The following VWA5B1 variants were observed in gnomAD, a reference collection of about 807,000 sequenced individuals.
The protein encoded by VWA5B1 is von Willebrand factor A domain-containing protein 5B1.
A neutral mutation model predicts 118.2 loss-of-function variants in VWA5B1; 115 were observed. The ratio of observed to expected loss-of-function variants is 0.97; its 90% confidence interval spans 0.84 to 1.14. The LOEUF (loss-of-function observed/expected upper bound fraction) is 1.14, where lower values mean the gene tolerates loss of function less well. Ranked by LOEUF, VWA5B1 falls within the 50% of genes most tolerant of loss-of-function variation. VWA5B1 has a pLI of 0.00. For missense variants in VWA5B1, 1,596 were observed against 1,603.8 expected (o/e 1.00, Z 0.08); for synonymous variants, 682 against 658.4 (o/e 1.04, Z -0.55).
At chr1:20,348,934 T>G (rs963403222) in intron 18 of VWA5B1, among the ~76,000 whole-genome samples, 1 of 152,170 alleles carries the variant, frequency 6.6e-6, no homozygotes, top group South Asian at 2.1e-4. Flanking sequence ...TCTTTCTGTC[T>G]CTCTAAAGAC....
intron 1 of VWA5B1, chr1:20,294,249 T>C (rs1399215258): frequency 6.6e-6 from 1 of 152,200 alleles, no homozygotes; most frequent in East Asian, 1.9e-4. Flanking sequence ...CAACTGCTTA[T>C]GCATCGAAGC....
At chr1:20,323,639 TA>T in intron 8 of VWA5B1, 107 bp downstream of exon 8, 9 of 1,198,562 alleles carry the variant, frequency 7.5e-6, no homozygotes, top group Non-Finnish European at 8.6e-6. Context: ...AAACAACTTT[TA>T]AAAATCAGTT....
chr1:20,343,207 G>T lies in VWA5B1; in HGVS notation c.2440G>T (p.Val814Phe). The T allele has an allele frequency of 6.5e-7, 1 of 1,549,636 alleles. No homozygotes were observed. Among genetic ancestry groups the T allele is most frequent in the East Asian group, 2.4e-5 (1 of 40,856 alleles). ...GGCCCCGGTGCTGGGCAAGGCCCTG[G>T]TCAAAGGCCTGCACGACAGCCAACG... ...TPAPVLGKAL[V>F]KGLHDSQRLQ... Residue 814 changes from valine (V) to phenylalanine (F), a missense_variant, in exon 16 of 22, where the codon GTC (valine) becomes TTC (phenylalanine). Val to Phe is a conservative substitution (Grantham distance 50). Transcript: ENST00000289815.
Position 20,306,543 on chromosome 1 carries a change from C to CTTCCAGCAG in VWA5B1, c.-26-4032_-26-4031insTCCAGCAGT, listed in dbSNP as rs1570066189. Reference sequence around the variant, plus strand: ...CTGGCTGTCTCTTCCATTAGTATCTCTACTCACGCCTGCCTGTTCCCACTG... The same window carrying CTTCCAGCAG: ...CTGGCTGTCTCTTCCATTAGTATCTCTTCCAGCAGTACTCACGCCTGCCTGTTCCCACTG... On this transcript the variant is annotated intron_variant, in intron 1 of 21. Coordinates refer to ENST00000289815, the MANE Select transcript of VWA5B1 (RefSeq NM_001039500.3). 2.0e-5 allele frequency among the ~76,000 whole-genome samples: 3 copies of CTTCCAGCAG among 152,348 alleles called. No individual in the cohort carries two copies. In the East Asian group the frequency reaches 5.8e-4, roughly 29 times the overall value.
intron 1 of VWA5B1, among the ~76,000 whole-genome samples, chr1:20,293,614 C>T (rs560843467): frequency 6.6e-6 from 1 of 152,218 alleles, no homozygotes; most frequent in Non-Finnish European, 1.5e-5. Flanking sequence ...TGGGAAGGGG[C>T]TTGAGCAAGG....
chr1:20,331,899 C>G (rs1016191874), intron 11 of VWA5B1, among the ~76,000 whole-genome samples: 1 of 152,142 alleles, frequency 6.6e-6, no homozygotes, highest in African/African-American at 2.4e-5. Context: ...GTTTGCAGTA[C>G]AGAACATCCA....
intron 19 of VWA5B1, 22 bp from the exon 20 acceptor site, chr1:20,350,835 T>G (rs2090114371): frequency 6.4e-7 from 1 of 1,551,430 alleles, no homozygotes; most frequent in Non-Finnish European, 8.7e-7. Flanking sequence ...GGTCTCAACT[T>G]GGTCATTCTG....
intron 16 of VWA5B1, among the ~76,000 whole-genome samples, chr1:20,344,152 G>T (rs1259422371): frequency 6.6e-6 from 1 of 150,714 alleles, no homozygotes; most frequent in Non-Finnish European, 1.5e-5. Context: ...CCGAGTAAGT[G>T]GTCCTCTCCC....
At chr1:20,328,975 C>T (rs563055458) in intron 9 of VWA5B1, among the ~76,000 whole-genome samples, 53 of 152,322 alleles carry the variant, frequency 3.5e-4, no homozygotes, top group Middle Eastern at 3.4e-3. Flanking sequence ...TGTTCTGTAA[C>T]CTACTTTTCT....
intron 1 of VWA5B1, among the ~76,000 whole-genome samples, chr1:20,291,932 C>A (rs746969350): frequency 6.6e-6 from 1 of 152,170 alleles, no homozygotes; most frequent in Non-Finnish European, 1.5e-5. Flanking sequence ...CCCATGCTCC[C>A]GCCGCCGGCA....
intron 1 of VWA5B1, among the ~76,000 whole-genome samples, chr1:20,309,382 G>A (rs35931442): frequency 0.23 from 34,630 of 152,172 alleles, 4,488 homozygotes; most frequent in East Asian, 0.4. Context: ...GGGCACACTG[G>A]TCTGGCCTCC....
chr1:20,336,069 G>A (rs924756359), intron 12 of VWA5B1, among the ~76,000 whole-genome samples: 3 of 152,116 alleles, frequency 2.0e-5, no homozygotes, highest in Non-Finnish European at 2.9e-5. Context: ...AAAATTTAAT[G>A]AAGTCAATAA....
At chr1:20,309,794 C>T (rs1381539511) in intron 1 of VWA5B1, among the ~76,000 whole-genome samples, 3 of 152,040 alleles carry the variant, frequency 2.0e-5, no homozygotes, top group Non-Finnish European at 4.4e-5. Flanking sequence ...GAGCTGCAGT[C>T]CAGGCAGAGG....
chr1:20,312,288 C>A (rs946041110), intron 2 of VWA5B1, among the ~76,000 whole-genome samples: 1 of 152,168 alleles, frequency 6.6e-6, no homozygotes, highest in South Asian at 2.1e-4. Context: ...ATGTGTGGCA[C>A]GTGGCTTAAT....
Position 20,343,336 on chromosome 1 carries a change from C to A in VWA5B1, c.2569C>A (p.Arg857Ser). Residue 857 changes from arginine to serine, a missense_variant, in exon 16 of 22, where the codon CGC (arginine) becomes AGC (serine). Coordinates refer to ENST00000289815, the MANE Select transcript of VWA5B1 (RefSeq NM_001039500.3). ...WSETFHHLAA[R>S]AIIRDFEQLA... ...CGAGACCTTCCACCACCTGGCGGCC[C>A]GCGCCATCATCCGCGACTTCGAGCA... is the stretch of plus-strand genomic sequence containing the variant. The A allele has an allele frequency of 6.5e-7, 1 of 1,542,594 alleles. No individual in the cohort carries two copies. The highest frequency in any genetic ancestry group is 8.7e-7 in the Non-Finnish European group (1 of 1,145,048).
At chr1:20,320,918 C>A (rs1307975068) in intron 7 of VWA5B1, among the ~76,000 whole-genome samples, 1 of 151,982 alleles carries the variant, frequency 6.6e-6, no homozygotes, top group African/African-American at 2.4e-5. Context: ...TCTGGTGGAG[C>A]GGCTTCACGT....
At chr1:20,352,955 C>G (rs1350369133) in intron 21 of VWA5B1, among the ~76,000 whole-genome samples, 1 of 152,146 alleles carries the variant, frequency 6.6e-6, no homozygotes, top group Non-Finnish European at 1.5e-5. Context: ...AGGATTCAGA[C>G]AAGGAACCAG....
In VWA5B1 at chr1:20,354,512, A is replaced by T. The variant is rs943097751; in HGVS notation, c.*249A>T. ...CTCATCTATAAAATAAGAGGGCGAGATGAAGGAGGTGGAGTGGATCTCAAA... is the reference window on the plus strand; with the variant it reads ...CTCATCTATAAAATAAGAGGGCGAGTTGAAGGAGGTGGAGTGGATCTCAAA... On this transcript the variant is annotated 3_prime_UTR_variant, in exon 22 of 22. Coordinates refer to ENST00000289815, the MANE Select transcript of VWA5B1 (RefSeq NM_001039500.3). 3.8e-6 allele frequency: 2 copies of T among 531,422 alleles called. No individual in the cohort carries two copies. Among genetic ancestry groups the T allele is most frequent in the African/African-American group, 3.8e-5 (2 of 52,134 alleles). 32.9% of individuals were successfully genotyped at this position (531,422 alleles called of 1,614,324 possible). A position where few individuals can be genotyped will look rare whatever the true frequency, so the allele number is the denominator to read the frequency against.
intron 7 of VWA5B1, among the ~76,000 whole-genome samples, chr1:20,321,353 G>A (rs1400004122): frequency 1.3e-5 from 2 of 152,194 alleles, no homozygotes; most frequent in East Asian, 1.9e-4. Flanking sequence ...CTGGGAGGCC[G>A]AGACAGGTGG....
Sources: allele counts gnomAD v4.1 joint callset (sites outside exome capture counted in the v4.1 genomes callset), GRCh38; gene constraint gnomAD v4.1.1; transcripts MANE v1.5; gene names NCBI Gene and HGNC (gene_info 2026-07-23, HGNC 2026-07-21).